Variants in DCDC1 observed in about 807,000 individuals in gnomAD.
DCDC1 encodes doublecortin domain containing 1.
DCDC1 carries 200 observed loss-of-function variants against 178.3 expected under a neutral mutation model. The ratio of observed to expected loss-of-function variants is 1.12; its 90% CI spans 1.00 to 1.26. The LOEUF (loss-of-function observed/expected upper bound fraction) is 1.26. DCDC1 is among the 50% of genes most tolerant of loss of function. The probability of loss-of-function intolerance (pLI) is 0.00; values close to 1 mark genes in which losing one functional copy is unlikely to be tolerated. For synonymous variants in DCDC1, 690 were observed against 604.8 expected (o/e 1.14, Z -2.07); for missense variants, 1,983 against 1,749.2 (o/e 1.13, Z -2.38).
chr11:31,015,670 G>A (rs980607055), intron 20 of DCDC1, among the ~76,000 whole-genome samples: 5 of 152,158 alleles, frequency 3.3e-5, no homozygotes, highest in Non-Finnish European at 7.3e-5. Context: ...GTATGAATGC[G>A]GCGGTTTGGA....
chr11:31,003,924 T>C (rs770172043), intron 20 of DCDC1, among the ~76,000 whole-genome samples: 14 of 152,196 alleles, frequency 9.2e-5, no homozygotes, highest in Non-Finnish European at 1.8e-4. Flanking sequence ...TCCTACAAAT[T>C]AGGTATGTTG....
intron 17 of DCDC1, among the ~76,000 whole-genome samples, chr11:31,080,127 T>A (rs1426430348): frequency 6.6e-6 from 1 of 152,080 alleles, no homozygotes; most frequent in African/African-American, 2.4e-5. Context: ...TTATAATTAA[T>A]AAAGGAAAAG....
intron 36 of DCDC1, among the ~76,000 whole-genome samples, chr11:30,888,137 AG>A (rs1943440095): frequency 1.4e-5 from 2 of 147,494 alleles, no homozygotes; most frequent in African/African-American, 5.2e-5. Flanking sequence ...AAAGAAAGAA[AG>A]AAAGAAAGAA....
chr11:31,139,117 T>TGA (rs1003700924), intron 9 of DCDC1, among the ~76,000 whole-genome samples: 3 of 151,696 alleles, frequency 2.0e-5, no homozygotes, highest in Admixed American at 2.0e-4. Context: ...TACACACACA[T>TGA]TATATATATA....
chr11:31,066,379 A>G (rs1956249995), intron 18 of DCDC1, among the ~76,000 whole-genome samples: 1 of 152,204 alleles, frequency 6.6e-6, no homozygotes, highest in South Asian at 2.1e-4. Context: ...AACATGCTTC[A>G]GTGTCATCCA....
chr11:31,248,917 T>C lies in DCDC1; in HGVS notation c.1055-7301A>G, dbSNP rs182322889. Among the ~76,000 whole-genome samples the C allele has an allele frequency of 1.6e-3, 242 of 152,290 alleles. 1 individual carries two copies. Among genetic ancestry groups the C allele is most frequent in the Non-Finnish European group, 2.5e-3 (170 of 67,998 alleles). On this transcript the variant is annotated intron_variant, in intron 8 of 38. Transcript: ENST00000684477. ...ATGCTGAGAGCTATGTAAGACATTG[T>C]TTTATAACAGGTAGTAGCAATTAGG...
At chr11:31,244,189 C>G (rs768210834) in intron 8 of DCDC1, among the ~76,000 whole-genome samples, 15 of 151,556 alleles carry the variant, frequency 9.9e-5, no homozygotes, top group Non-Finnish European at 1.9e-4. Flanking sequence ...TAAAAAGGAG[C>G]CTCGGCCTAA....
rs747725379 is a variant in DCDC1, at chr11:31,307,634, A to T, written c.434+5T>A. 3 of 1,613,640 alleles carry T rather than the reference A, an allele frequency of 1.9e-6. No homozygotes were observed. The African/African-American group carries it at 4.0e-5, about 22-fold the overall frequency. On this transcript the variant is annotated splice_donor_5th_base_variant and intron_variant, in intron 4 of 38. Transcript: ENST00000684477. ...TTAAAAAGAACAGAGAACAGCTTTG[A>T]TTACCTCAGTTGACCCACTGGAGCA...
intron 9 of DCDC1, among the ~76,000 whole-genome samples, chr11:31,208,380 A>C (rs764732016): frequency 6.6e-6 from 1 of 152,130 alleles, no homozygotes; most frequent in Non-Finnish European, 1.5e-5. Context: ...TTCTTTCAGG[A>C]CTATTTCCAA....
At chr11:31,197,594 T>A (rs1398536036) in intron 9 of DCDC1, among the ~76,000 whole-genome samples, 1 of 152,086 alleles carries the variant, frequency 6.6e-6, no homozygotes, top group Non-Finnish European at 1.5e-5. Flanking sequence ...TTTTTCTGAT[T>A]TGAGTATCTG....
chr11:31,336,795 T>C (rs1222982502), intron 1 of DCDC1, among the ~76,000 whole-genome samples: 1 of 152,174 alleles, frequency 6.6e-6, no homozygotes, highest in Non-Finnish European at 1.5e-5. Flanking sequence ...CATATGAACA[T>C]GTTATGGCCA....
chr11:31,290,532 T>G (rs1947147946), intron 7 of DCDC1, 115 bp downstream of exon 7: 1 of 1,146,738 alleles, frequency 8.7e-7, no homozygotes, highest in African/African-American at 1.6e-5. Flanking sequence ...CTATATAATG[T>G]CTTGTTAATA....
chr11:31,003,639 G>A (rs1951691482), intron 20 of DCDC1, among the ~76,000 whole-genome samples: 1 of 152,178 alleles, frequency 6.6e-6, no homozygotes, highest in South Asian at 2.1e-4. Flanking sequence ...GGCATTTTAT[G>A]GGCAAGGCCT....
At chr11:30,994,960 G>A (rs1175212431) in intron 20 of DCDC1, among the ~76,000 whole-genome samples, 1 of 150,730 alleles carries the variant, frequency 6.6e-6, no homozygotes, top group Non-Finnish European at 1.5e-5. Context: ...GAAATGAAAG[G>A]CATACAGGCT....
chr11:31,189,387 G>GT (rs143176178), intron 9 of DCDC1, among the ~76,000 whole-genome samples: 3,855 of 152,208 alleles, frequency 0.025, 82 homozygotes, highest in Non-Finnish European at 0.034. Flanking sequence ...CCAATGTAAA[G>GT]TTTAAACTAC....
intron 29 of DCDC1, 145 bp from the exon 30 acceptor site, chr11:30,906,870 A>G: frequency 1.2e-6 from 1 of 809,550 alleles, no homozygotes; most frequent in Non-Finnish European, 1.8e-6. Context: ...AATTTAGCAT[A>G]AATTTAGCCA....
intron 20 of DCDC1, among the ~76,000 whole-genome samples, chr11:31,014,837 T>C (rs1397461597): frequency 6.6e-6 from 1 of 152,196 alleles, no homozygotes; most frequent in Non-Finnish European, 1.5e-5. Context: ...ATTTATCTTC[T>C]AATCACCAAT....
intron 10 of DCDC1, among the ~76,000 whole-genome samples, chr11:31,131,674 G>A (rs1212748937): frequency 1.3e-5 from 2 of 152,238 alleles, no homozygotes; most frequent in South Asian, 2.1e-4. Flanking sequence ...CTCCATTTCC[G>A]AAAAATACTG....
intron 1 of DCDC1, among the ~76,000 whole-genome samples, 168 bp downstream of exon 1, chr11:31,369,529 T>C (rs1273611785): frequency 2.0e-5 from 3 of 151,818 alleles, no homozygotes; most frequent in African/African-American, 7.3e-5. Context: ...AGATTGAGAG[T>C]AGCTCAGGGT....
Sources: allele counts gnomAD v4.1 joint callset (sites outside exome capture counted in the v4.1 genomes callset), GRCh38; gene constraint gnomAD v4.1.1; transcripts MANE v1.5; gene names NCBI Gene and HGNC (gene_info 2026-07-23, HGNC 2026-07-21).